REV3L: variants seen among roughly 807,000 people sequenced by gnomAD.
The protein encoded by REV3L is DNA polymerase zeta catalytic subunit.
REV3L carries 69 observed loss-of-function variants against 299.4 expected under a neutral mutation model. The observed-to-expected ratio is 0.23, with a 90% confidence interval of 0.19 to 0.28. REV3L has a LOEUF of 0.28. REV3L is among the 10% of genes least tolerant of loss of function. REV3L has a pLI of 1.00. For missense variants in REV3L, 3,128 were observed against 3,693.8 expected (o/e 0.85, Z 3.97); for synonymous variants, 1,238 against 1,271.4 (o/e 0.97, Z 0.56).
chr6:111,393,087 G>A (rs1782106083), intron 4 of REV3L, 115 bp from the exon 5 acceptor site: 3 of 615,430 alleles, frequency 4.9e-6, no homozygotes, highest in Admixed American at 5.2e-5. Context: ...GCCCAGGCTG[G>A]AGTACAGTGG....
chr6:111,374,511 G>C lies in REV3L; in HGVS notation c.3844C>G (p.Leu1282Val). The change falls in exon 13 of 32, where the codon CTA becomes GTA. Residue 1282 changes from leucine (L) to valine (V), a missense_variant. By Grantham distance (32) the Leu-to-Val change is conservative. Transcript: ENST00000368802. Reference sequence around the variant, plus strand: ...TGTTGTGCATTAATTCCAGTGGGTAGGGAAGCAGAAAGGGGATGATCTACA... The same window carrying C: ...TGTTGTGCATTAATTCCAGTGGGTACGGAAGCAGAAAGGGGATGATCTACA... ...SAVDHPLSASLPTGINAQQKL... is the reference protein window; with the variant it reads ...SAVDHPLSASVPTGINAQQKL... 1 of 1,613,984 alleles carries C rather than the reference G, an allele frequency of 6.2e-7. No individual in the cohort carries two copies. The highest frequency in any genetic ancestry group is 8.5e-7 in the Non-Finnish European group (1 of 1,179,922).
chr6:111,419,908 G>A (rs554570640), intron 1 of REV3L, among the ~76,000 whole-genome samples: 8 of 151,798 alleles, frequency 5.3e-5, no homozygotes, highest in South Asian at 2.1e-4. Context: ...GCAGTGTTGC[G>A]ATCTCGGCTT....
chr6:111,465,822 A>C (rs911735216), intron 1 of REV3L, among the ~76,000 whole-genome samples: 8 of 151,860 alleles, frequency 5.3e-5, no homozygotes, highest in Non-Finnish European at 8.8e-5. Flanking sequence ...AAAGATTAAA[A>C]ATAGTGATGA....
rs562671688 is a variant in REV3L at position 111,384,829 on chromosome 6, C to G, written c.1096+2936G>C. Among the ~76,000 whole-genome samples, 4 of 152,262 alleles carry G rather than the reference C, an allele frequency of 2.6e-5. No homozygotes were observed. The South Asian group carries it at 8.3e-4, about 32-fold the overall frequency. On this transcript the variant is annotated intron_variant, in intron 9 of 31. Transcript: ENST00000368802. Reference sequence around the variant, plus strand: ...TTTATCACAGTCCTATTCACAACAGCCAAGATTTGGAAGCAATCTAAGTGT... The same window carrying G: ...TTTATCACAGTCCTATTCACAACAGGCAAGATTTGGAAGCAATCTAAGTGT...
chr6:111,300,006 T>TA lies in REV3L; in HGVS notation c.*9dup, dbSNP rs1423889910. ...AAAAATAGCACCTGTAATACTGTGA[T>TA]ATTGACAATTTAAAACTGGTCTAAT... On this transcript the variant is annotated 3_prime_UTR_variant, in exon 32 of 32. Coordinates refer to ENST00000368802, the MANE Select transcript of REV3L (RefSeq NM_001372078.1). The TA allele has an allele frequency of 6.2e-7, 1 of 1,610,220 alleles. No homozygotes were observed. The highest frequency in any genetic ancestry group is 1.3e-5 in the African/African-American group (1 of 74,734).
chr6:111,426,832 C>CA (rs544839393), intron 1 of REV3L, among the ~76,000 whole-genome samples: 192 of 152,248 alleles, frequency 1.3e-3, no homozygotes, highest in African/African-American at 4.4e-3. Context: ...TCTTAAAAAA[C>CA]AAAGCTTCTA....
chr6:111,466,263 A>G (rs758254516), intron 1 of REV3L, among the ~76,000 whole-genome samples: 9 of 152,242 alleles, frequency 5.9e-5, no homozygotes, highest in Non-Finnish European at 1.3e-4. Context: ...CTTATCGGTC[A>G]TGAAGCTGGG....
chr6:111,430,387 A>C, intron 1 of REV3L: 1 of 1,312,870 alleles, frequency 7.6e-7, no homozygotes, highest in Non-Finnish European at 1.1e-6. Context: ...ATCAAGAACA[A>C]TGACTACCAG....
At chr6:111,341,004 C>CA in intron 21 of REV3L, among the ~76,000 whole-genome samples, 1 of 148,468 alleles carries the variant, frequency 6.7e-6, no homozygotes, top group East Asian at 2.0e-4. Flanking sequence ...AGTTAAATAT[C>CA]AAGTTTTATT....
chr6:111,379,667 C>T (rs193208115), intron 11 of REV3L, among the ~76,000 whole-genome samples: 1 of 152,300 alleles, frequency 6.6e-6, no homozygotes, highest in East Asian at 1.9e-4. Flanking sequence ...TATCACAGGG[C>T]ATTCTTTTTC....
chr6:111,401,637 A>G, intron 4 of REV3L, among the ~76,000 whole-genome samples: 1 of 152,258 alleles, frequency 6.6e-6, no homozygotes, highest in East Asian at 1.9e-4. Context: ...TTGTGTATTT[A>G]AAATAAAAAT....
intron 20 of REV3L, among the ~76,000 whole-genome samples, chr6:111,347,460 T>C (rs112671523): frequency 3.4e-4 from 51 of 152,126 alleles, no homozygotes; most frequent in Middle Eastern, 3.4e-3. Context: ...CAGAGTCATG[T>C]TGTATACTGC....
At chr6:111,346,293 A>C (rs1054515840) in intron 20 of REV3L, among the ~76,000 whole-genome samples, 2 of 152,210 alleles carry the variant, frequency 1.3e-5, no homozygotes, top group Non-Finnish European at 2.9e-5. Context: ...TCTAAGTATA[A>C]CTGTCTGGGG....
At chr6:111,363,490 G>A (rs1778903678) in intron 16 of REV3L, among the ~76,000 whole-genome samples, 1 of 151,814 alleles carries the variant, frequency 6.6e-6, no homozygotes. Flanking sequence ...TTTATTTTTT[G>A]GTAGAGACAG....
At chr6:111,328,404 T>C (rs911934979) in intron 25 of REV3L, among the ~76,000 whole-genome samples, 4 of 152,178 alleles carry the variant, frequency 2.6e-5, no homozygotes, top group Non-Finnish European at 5.9e-5. Flanking sequence ...ACCTGGCTAA[T>C]TGTGACATTT....
At chr6:111,393,042 AT>A (rs909778519) in intron 4 of REV3L, 70 bp from the exon 5 acceptor site, 53,587 of 841,886 alleles carry the variant, frequency 0.064, no homozygotes, top group South Asian at 0.095. Flanking sequence ...TAGAAGGTAA[AT>A]TTTTTTTTTT....
Position 111,307,534 on chromosome 6 carries a change from C to T in REV3L, c.9079G>A (p.Glu3027Lys), listed in dbSNP as rs1375872798. The change falls in exon 31 of 32, where the codon GAA becomes AAA. Residue 3027 changes from glutamate to lysine, a missense_variant. Transcript: ENST00000368802. Reference protein sequence around the residue: ...KATSSSRSEPEGRKGTISQYF... With the variant: ...KATSSSRSEPKGRKGTISQYF... ...TGTGAAATAGTGCCTTTCCGCCCTT[C>T]AGGTTCACTTCGCGAGGAGCTGGTA... 1.2e-6 allele frequency: 2 copies of T among 1,614,212 alleles called. No homozygotes were observed. The highest frequency in any genetic ancestry group is 8.5e-7 in the Non-Finnish European group (1 of 1,180,030).
intron 1 of REV3L, among the ~76,000 whole-genome samples, chr6:111,468,307 A>G (rs1041416523): frequency 2.6e-5 from 4 of 152,164 alleles, no homozygotes; most frequent in African/African-American, 9.7e-5. Context: ...TTATGAAATG[A>G]AAAAAAGATA....
intron 1 of REV3L, 85 bp downstream of exon 1, chr6:111,482,665 G>GGGGTGTGC: frequency 1.2e-6 from 1 of 855,920 alleles, no homozygotes; most frequent in Non-Finnish European, 1.5e-6. Context: ...CGGCGCCGGT[G>GGGGTGTGC]GCGTGTGCGC....
Sources: gnomAD v4.1 joint callset for allele counts (sites outside exome capture counted in the v4.1 genomes callset) on GRCh38, gnomAD v4.1.1 for gene constraint, MANE v1.5 for transcripts, NCBI Gene and HGNC (gene_info 2026-07-23, HGNC 2026-07-21) for gene names.